The following NFIA variants were observed in gnomAD, a reference collection of about 807,000 sequenced individuals.
NFIA encodes the protein nuclear factor I A.
A neutral mutation model predicts 62.8 loss-of-function variants in NFIA; 8 were observed. The observed-to-expected ratio is 0.13, with a 90% CI of 0.07 to 0.23. The LOEUF (loss-of-function observed/expected upper bound fraction) is 0.23, where lower values mean the gene tolerates loss of function less well. NFIA is among the 10% of genes least tolerant of loss of function. The pLI is 1.00. For missense variants in NFIA, 410 were observed against 642.1 expected (o/e 0.64, Z 3.91); for synonymous variants, 235 against 238.1 (o/e 0.99, Z 0.12).
chr1:61,234,934 T>C (rs1276260995), intron 2 of NFIA, among the ~76,000 whole-genome samples: 1 of 152,252 alleles, frequency 6.6e-6, no homozygotes, highest in Non-Finnish European at 1.5e-5. Context: ...CCATACCAGT[T>C]GGCATCTGTC....
chr1:61,405,830 T>C (rs973803936), intron 8 of NFIA, among the ~76,000 whole-genome samples: 1 of 152,184 alleles, frequency 6.6e-6, no homozygotes, highest in Admixed American at 6.5e-5. Flanking sequence ...AAAGAGCTGT[T>C]ATTTGGTTGT....
chr1:61,121,917 G>A (rs908107224), intron 2 of NFIA, among the ~76,000 whole-genome samples: 1 of 152,148 alleles, frequency 6.6e-6, no homozygotes, highest in South Asian at 2.1e-4. Context: ...TAGGTGGAAA[G>A]CTATTCCAGA....
chr1:61,289,623 T>C (rs755058992), intron 3 of NFIA, among the ~76,000 whole-genome samples: 1 of 152,232 alleles, frequency 6.6e-6, no homozygotes, highest in Non-Finnish European at 1.5e-5. Context: ...AACTTTTATT[T>C]TCTAATGTAT....
chr1:61,379,167 G>T (rs927805439), intron 6 of NFIA, among the ~76,000 whole-genome samples: 3 of 152,092 alleles, frequency 2.0e-5, no homozygotes, highest in Admixed American at 1.3e-4. Flanking sequence ...CATGCAAGAG[G>T]AGAGGATTAT....
rs1422425274 is a variant in NFIA at position 61,332,706 on chromosome 1, A to G, written c.700+120A>G. The G allele has an allele frequency of 4.2e-6, 3 of 716,432 alleles. No homozygotes were observed. The African/African-American group carries it at 5.5e-5, about 13-fold the overall frequency. 44.4% of individuals were successfully genotyped at this position (716,432 alleles called of 1,614,324 possible). On this transcript the variant is annotated intron_variant, in intron 4 of 10. Transcript: ENST00000403491. ...ATCTCCTTTTCATTCACCCATTGGA[A>G]GAATTTTGACACACAGTTTGTTTGA...
intron 2 of NFIA, among the ~76,000 whole-genome samples, chr1:61,146,621 CTG>C (rs1648012208): frequency 6.6e-6 from 1 of 152,146 alleles, no homozygotes; most frequent in South Asian, 2.1e-4. Flanking sequence ...GTATAGTACT[CTG>C]TGTTTGTGAT....
intron 2 of NFIA, among the ~76,000 whole-genome samples, chr1:61,149,726 GTC>G (rs1648268163): frequency 6.6e-6 from 1 of 152,146 alleles, no homozygotes; most frequent in Non-Finnish European, 1.5e-5. Context: ...GAGTTCCCCT[GTC>G]TCTGTTTTTT....
rs1028671218 is a variant in NFIA, at chr1:61,343,172, G to C, written c.701-9278G>C. Among the ~76,000 whole-genome samples the C allele has an allele frequency of 5.3e-5, 8 of 152,276 alleles. No homozygotes were observed. In the East Asian group the frequency reaches 1.5e-3, roughly 29 times the overall value. ...GTAGGAGACAGCCTTTTCCTCTACA[G>C]GGTATATATTTAAGTTTCTTGAGAT... On this transcript the variant is annotated intron_variant, in intron 4 of 10. Transcript: ENST00000403491.
chr1:61,321,018 G>A (rs1046890683), intron 3 of NFIA, among the ~76,000 whole-genome samples: 2 of 152,082 alleles, frequency 1.3e-5, no homozygotes, highest in African/African-American at 4.8e-5. Flanking sequence ...AAACTTTGAT[G>A]CAGAACATAA....
At chr1:61,418,775 AT>A (rs1666473529) in intron 9 of NFIA, among the ~76,000 whole-genome samples, 1 of 152,198 alleles carries the variant, frequency 6.6e-6, no homozygotes, top group East Asian at 1.9e-4. Flanking sequence ...TATTATTAGT[AT>A]TTGTGGAGGA....
At chr1:61,431,216 G>C (rs1442558916) in intron 10 of NFIA, among the ~76,000 whole-genome samples, 1 of 152,166 alleles carries the variant, frequency 6.6e-6, no homozygotes, top group African/African-American at 2.4e-5. Context: ...ACCATTAAGA[G>C]GAGGCGTTTA....
At chr1:61,407,117 A>G (rs1478447948) in intron 9 of NFIA, among the ~76,000 whole-genome samples, 1 of 152,224 alleles carries the variant, frequency 6.6e-6, no homozygotes, top group Non-Finnish European at 1.5e-5. Flanking sequence ...CTTGCAGTCT[A>G]AGAGAAATGC....
chr1:61,212,030 T>C (rs10493306), intron 2 of NFIA, among the ~76,000 whole-genome samples: 18,507 of 152,260 alleles, frequency 0.12, 1,234 homozygotes, highest in African/African-American at 0.14. Context: ...ATGAGTCTTA[T>C]GCGCTTAGGG....
chr1:61,183,369 G>C (rs1438820753), intron 2 of NFIA, among the ~76,000 whole-genome samples: 1 of 152,156 alleles, frequency 6.6e-6, no homozygotes, highest in African/African-American at 2.4e-5. Context: ...TGCTTGTTTT[G>C]CAGTAGTGGT....
intron 2 of NFIA, among the ~76,000 whole-genome samples, chr1:61,109,093 T>A (rs1004450350): frequency 2.6e-5 from 4 of 151,878 alleles, no homozygotes; most frequent in African/African-American, 9.7e-5. Flanking sequence ...TTTTTACAAT[T>A]TAAAATGTCT....
chr1:61,406,428 T>C (rs756239482), intron 8 of NFIA, 134 bp from the exon 9 acceptor site: 8 of 761,838 alleles, frequency 1.1e-5, no homozygotes, highest in Non-Finnish European at 1.7e-5. Flanking sequence ...TATGGAAGAA[T>C]TGAAGCAGCT....
At chr1:61,361,671 C>T (rs567989253) in intron 6 of NFIA, among the ~76,000 whole-genome samples, 17 of 152,098 alleles carry the variant, frequency 1.1e-4, no homozygotes, top group African/African-American at 3.9e-4. Flanking sequence ...AATTCCTATT[C>T]CTATCTGTAC....
chr1:61,265,138 A>G (rs1657079552), intron 2 of NFIA, among the ~76,000 whole-genome samples: 1 of 152,210 alleles, frequency 6.6e-6, no homozygotes, highest in Non-Finnish European at 1.5e-5. Context: ...TATAGATTAA[A>G]GTTCACTGGA....
At chr1:61,333,331 T>A (rs1268948839) in intron 4 of NFIA, among the ~76,000 whole-genome samples, 1 of 152,138 alleles carries the variant, frequency 6.6e-6, no homozygotes, top group Non-Finnish European at 1.5e-5. Context: ...AAAGAAACAT[T>A]TTCATTTCAG....
Sources: allele counts gnomAD v4.1 joint callset (sites outside exome capture counted in the v4.1 genomes callset), GRCh38; gene constraint gnomAD v4.1.1; transcripts MANE v1.5; gene names NCBI Gene and HGNC (gene_info 2026-07-23, HGNC 2026-07-21).